The following PSPH variants were observed in gnomAD, a reference collection of about 807,000 sequenced individuals.
PSPH encodes L-3-phosphoserine phosphatase.
In PSPH, 16 loss-of-function variants were observed where a neutral mutation model predicts 23.4. The ratio of observed to expected loss-of-function variants is 0.68; its 90% CI spans 0.46 to 1.04. PSPH has a LOEUF of 1.04. Among genes scored for constraint, PSPH ranks in the 50% least tolerant of loss-of-function variants. The probability of loss-of-function intolerance (pLI) is 0.00; values close to 1 mark genes in which losing one functional copy is unlikely to be tolerated. For missense variants in PSPH, 223 were observed against 273.7 expected, an observed-to-expected ratio of 0.81 and a Z score of 1.31; for synonymous variants, 68 against 99.7, an observed-to-expected ratio of 0.68 and a Z score of 1.89.
chr7:56,029,990 AAG>A (rs1790742216), intron 3 of PSPH, among the ~76,000 whole-genome samples: 1 of 142,832 alleles, frequency 7.0e-6, no homozygotes, highest in Non-Finnish European at 1.6e-5. Flanking sequence ...AAAAAAAAAA[AAG>A]AAAAAAAAAA....
intron 3 of PSPH, among the ~76,000 whole-genome samples, chr7:56,031,414 G>A (rs541413783): frequency 1.4e-3 from 214 of 152,250 alleles, no homozygotes; most frequent in Admixed American, 3.3e-3. Context: ...ACTCCTTAAA[G>A]CTAAAATAAA....
Position 56,021,067 on chromosome 7 carries a change from C to G in PSPH, c.140+6G>C. 6.2e-7 allele frequency: 1 copy of G among 1,612,166 alleles called. No individual in the cohort carries two copies. Among genetic ancestry groups the G allele is most frequent in the South Asian group, 1.1e-5 (1 of 90,998 alleles). On this transcript the variant is annotated splice_donor_region_variant and intron_variant, in intron 4 of 7. Transcript: ENST00000275605. ...ATTTCATAAAGTGAATAAATGCTAT[C>G]CCTACATTTCTGACACCGCGTCCTC...
At chr7:56,040,337 T>C (rs978685204) in intron 1 of PSPH, among the ~76,000 whole-genome samples, 2 of 151,764 alleles carry the variant, frequency 1.3e-5, no homozygotes, top group South Asian at 2.1e-4. Flanking sequence ...TATGGTTATA[T>C]ATCTATGTCT....
intron 7 of PSPH, among the ~76,000 whole-genome samples, chr7:56,012,383 C>T (rs1170756042): frequency 2.0e-5 from 3 of 152,020 alleles, no homozygotes; most frequent in Admixed American, 6.6e-5. Context: ...AGTTTTGCCA[C>T]GTTGCTCAGC....
chr7:56,020,933 A>C, intron 4 of PSPH, 140 bp downstream of exon 4: 1 of 913,970 alleles, frequency 1.1e-6, no homozygotes, highest in South Asian at 1.6e-5. Context: ...AAATGAATGA[A>C]TATGTCAAAT....
intron 1 of PSPH, among the ~76,000 whole-genome samples, chr7:56,043,794 C>A (rs1792876398): frequency 6.6e-6 from 1 of 152,062 alleles, no homozygotes; most frequent in African/African-American, 2.4e-5. Context: ...TGCCACTGCA[C>A]TCCAGCCTGA....
At chr7:56,020,831 C>A (rs796877366) in intron 4 of PSPH, among the ~76,000 whole-genome samples, 15 of 150,476 alleles carry the variant, frequency 1.0e-4, no homozygotes, top group Middle Eastern at 3.3e-3. Context: ...CCTCGCCCCC[C>A]AGGCCATCTT....
chr7:56,011,957 G>GAT, intron 7 of PSPH, 88 bp from the exon 8 acceptor site: 3 of 1,061,236 alleles, frequency 2.8e-6, no homozygotes, highest in Non-Finnish European at 4.2e-6. Flanking sequence ...CCAGGCTGGA[G>GAT]TGCAGTGACA....
intron 1 of PSPH, among the ~76,000 whole-genome samples, chr7:56,034,617 G>A (rs1312387160): frequency 1.3e-5 from 2 of 152,090 alleles, no homozygotes; most frequent in African/African-American, 4.8e-5. Flanking sequence ...CTGGATTCAC[G>A]GTATTCTCCT....
chr7:56,044,410 C>T (rs758447713), intron 1 of PSPH, among the ~76,000 whole-genome samples: 2 of 151,960 alleles, frequency 1.3e-5, no homozygotes, highest in East Asian at 1.9e-4. Context: ...AGAATGTAAA[C>T]GTTACCTACT....
At chr7:56,041,881 C>T (rs1792579919) in intron 1 of PSPH, among the ~76,000 whole-genome samples, 1 of 151,764 alleles carries the variant, frequency 6.6e-6, no homozygotes, top group African/African-American at 2.4e-5. Flanking sequence ...TGAGATTGTG[C>T]CACTGGCACT....
chr7:56,036,167 C>A lies in PSPH; in HGVS notation c.-291-2061G>T, dbSNP rs1272031301. Among the ~76,000 whole-genome samples, 3 of 151,986 alleles carry A rather than the reference C, an allele frequency of 2.0e-5. No individual in the cohort carries two copies. In the South Asian group the frequency reaches 6.2e-4, roughly 32 times the overall value. The stretch of plus-strand genomic sequence containing the variant: ...GTTTGAACCTGGGAGGCAGAGGTTG[C>A]AGTGAGCTGAGATCATGCCACTGCA... On this transcript the variant is annotated intron_variant, in intron 1 of 7. Coordinates refer to ENST00000275605, the MANE Select transcript of PSPH (RefSeq NM_004577.4).
At chr7:56,013,488 G>A (rs568772073) in intron 7 of PSPH, among the ~76,000 whole-genome samples, 23 of 150,068 alleles carry the variant, frequency 1.5e-4, no homozygotes, top group Admixed American at 4.8e-4. Context: ...ACTGCACTCC[G>A]GCCTAGGTGA....
At chr7:56,027,211 C>A (rs150781836) in intron 3 of PSPH, among the ~76,000 whole-genome samples, 3,352 of 112,484 alleles carry the variant, frequency 0.03, no homozygotes, top group Middle Eastern at 0.04. Flanking sequence ...GTCTCAAAAA[C>A]AAAAAAAAAA....
chr7:56,027,553 G>A (rs1237877466), intron 3 of PSPH, among the ~76,000 whole-genome samples: 1 of 151,704 alleles, frequency 6.6e-6, no homozygotes, highest in African/African-American at 2.4e-5. Flanking sequence ...ACAAAAATTA[G>A]TCAGGTGCCT....
intron 7 of PSPH, among the ~76,000 whole-genome samples, chr7:56,014,421 G>A (rs375485897): frequency 1.3e-5 from 2 of 152,292 alleles, no homozygotes; most frequent in Admixed American, 6.5e-5. Flanking sequence ...AAGATTGAAT[G>A]TGTTTTTATT....
chr7:56,021,834 C>T (rs1789507576), intron 3 of PSPH, among the ~76,000 whole-genome samples: 1 of 151,410 alleles, frequency 6.6e-6, no homozygotes, highest in African/African-American at 2.4e-5. Context: ...CCTGTAGTCC[C>T]ACCCACTCGG....
chr7:56,012,566 A>G (rs1298260659), intron 7 of PSPH, among the ~76,000 whole-genome samples: 1 of 151,898 alleles, frequency 6.6e-6, no homozygotes, highest in African/African-American at 2.4e-5. Flanking sequence ...TTAAACTAGT[A>G]GCCCAATGTT....
At chr7:56,032,542 C>G (rs1344682291) in intron 2 of PSPH, among the ~76,000 whole-genome samples, 9 of 149,406 alleles carry the variant, frequency 6.0e-5, no homozygotes, top group Admixed American at 3.3e-4. Context: ...CACCTGTAGT[C>G]CCAGCTACTC....
Sources: allele counts gnomAD v4.1 joint callset (sites outside exome capture counted in the v4.1 genomes callset), GRCh38; gene constraint gnomAD v4.1.1; transcripts MANE v1.5; gene names NCBI Gene and HGNC (gene_info 2026-07-23, HGNC 2026-07-21).